ALPK2: variants seen among roughly 807,000 people sequenced by gnomAD.
ALPK2 encodes the protein alpha kinase 2.
ALPK2 carries 127 observed loss-of-function variants against 163.1 expected under a neutral mutation model. The observed-to-expected ratio is 0.78, with a 90% CI of 0.67 to 0.90. ALPK2 has a LOEUF of 0.90. ALPK2 is among the 40% of genes least tolerant of loss of function. The pLI, the probability that ALPK2 is intolerant of heterozygous loss-of-function variation, is 0.00. For synonymous variants in ALPK2, 953 were observed against 959.1 expected (o/e 0.99, Z 0.12); for missense variants, 2,360 against 2,589.6 (o/e 0.91, Z 1.92).
chr18:58,617,444 C>T (rs2052175937), intron 1 of ALPK2, among the ~76,000 whole-genome samples: 1 of 152,196 alleles, frequency 6.6e-6, no homozygotes, highest in Non-Finnish European at 1.5e-5. Flanking sequence ...ACCTCGGCCT[C>T]CCAAAGTGCT....
intron 4 of ALPK2, among the ~76,000 whole-genome samples, chr18:58,539,171 A>G (rs1016871503): frequency 6.6e-6 from 1 of 152,180 alleles, no homozygotes; most frequent in African/African-American, 2.4e-5. Context: ...CTAATGAATA[A>G]ATGGACTTAT....
intron 1 of ALPK2, among the ~76,000 whole-genome samples, chr18:58,627,375 C>G (rs947402574): frequency 3.3e-5 from 5 of 152,204 alleles, no homozygotes; most frequent in African/African-American, 1.2e-4. Flanking sequence ...AATCCCAAGA[C>G]TTTGGGAGGC....
intron 1 of ALPK2, among the ~76,000 whole-genome samples, chr18:58,619,093 C>T (rs2052185205): frequency 2.6e-5 from 4 of 152,210 alleles, no homozygotes; most frequent in Non-Finnish European, 1.5e-5. Context: ...TACCCAGTCC[C>T]GTGTTAGTTA....
chr18:58,538,463 G>T, intron 4 of ALPK2: 1 of 461,512 alleles, frequency 2.2e-6, no homozygotes. Flanking sequence ...TAAGCAAAAA[G>T]CCTCCTGACA....
rs992350913 is a variant in ALPK2, at chr18:58,535,395, G to C, written c.4792C>G (p.Pro1598Ala). The C allele has an allele frequency of 6.2e-7, 1 of 1,614,180 alleles. No individual in the cohort carries two copies. ...RGTIENERGKPLPSSPDLTRF... is the reference protein window; with the variant it reads ...RGTIENERGKALPSSPDLTRF... ...GTAAGATCAGGAGAAGAGGGCAAAG[G>C]TTTCCCACGCTCATTCTCAATAGTT... Residue 1598 changes from proline to alanine, a missense_variant, in exon 5 of 13, where the codon CCT becomes GCT. Transcript: ENST00000361673.
In ALPK2 at chr18:58,537,762, C is replaced by T. The variant is rs2051661831; in HGVS notation, c.2425G>A (p.Ala809Thr). 6.2e-7 allele frequency: 1 copy of T among 1,613,972 alleles called. No individual in the cohort carries two copies. The change falls in exon 5 of 13, where the codon GCT (alanine) becomes ACT (threonine). Residue 809 changes from alanine (A) to threonine (T), a missense_variant. Transcript: ENST00000361673. ...TCAAAACACGTTCCTTGGTCACCAG[C>T]CTCAAAACACTCCATTGCACACACT... ...EAVCAMECFE[A>T]GDQGTCFDTI... is the part of the protein sequence containing the mutation.
At chr18:58,602,398 A>G (rs1017286059) in intron 3 of ALPK2, among the ~76,000 whole-genome samples, 2 of 152,180 alleles carry the variant, frequency 1.3e-5, no homozygotes, top group African/African-American at 4.8e-5. Context: ...CATGTGTCCA[A>G]AATGTCTAAA....
chr18:58,576,872 T>A (rs2051924535), intron 4 of ALPK2, among the ~76,000 whole-genome samples: 1 of 152,144 alleles, frequency 6.6e-6, no homozygotes, highest in Admixed American at 6.5e-5. Context: ...GAGTGAGAGG[T>A]CAGCTCTGCT....
chr18:58,499,074 C>G (rs2051417938), intron 11 of ALPK2, among the ~76,000 whole-genome samples: 1 of 152,134 alleles, frequency 6.6e-6, no homozygotes, highest in Admixed American at 6.5e-5. Context: ...TCTATGTAGA[C>G]ACTGAACCAA....
intron 1 of ALPK2, among the ~76,000 whole-genome samples, chr18:58,622,758 C>G (rs1220954880): frequency 6.6e-6 from 1 of 152,210 alleles, no homozygotes; most frequent in African/African-American, 2.4e-5. Context: ...AAGCCCCTCT[C>G]TGGCTCGTTT....
chr18:58,537,046 C>T lies in ALPK2; in HGVS notation c.3141G>A (p.Lys1047=), dbSNP rs199499886. 53 of 1,613,904 alleles carry T rather than the reference C, an allele frequency of 3.3e-5. No homozygotes were observed. Among genetic ancestry groups the T allele is most frequent in the Non-Finnish European group, 4.4e-5 (52 of 1,179,776 alleles). The change falls in exon 5 of 13, where the codon AAG becomes AAA. Residue 1047 remains lysine (K), a synonymous_variant. Coordinates refer to ENST00000361673, the MANE Select transcript of ALPK2 (RefSeq NM_052947.4). Reference sequence around the variant, plus strand: ...GCACTTGGGAAGGAAATTGGGAAACCTTTTCATGGGATGCACGAGGGAACC... The same window carrying T: ...GCACTTGGGAAGGAAATTGGGAAACTTTTTCATGGGATGCACGAGGGAACC... ...EERFPRASHE[K]VSQFPSQVQL...
intron 4 of ALPK2, among the ~76,000 whole-genome samples, chr18:58,575,190 G>A (rs2051912943): frequency 6.7e-6 from 1 of 148,762 alleles, no homozygotes; most frequent in Non-Finnish European, 1.5e-5. Context: ...TGGGCAACAA[G>A]AGTGAAACCT....
chr18:58,618,909 C>T (rs1383997704), intron 1 of ALPK2, among the ~76,000 whole-genome samples: 2 of 152,176 alleles, frequency 1.3e-5, no homozygotes, highest in African/African-American at 2.4e-5. Flanking sequence ...CACAAGCAGA[C>T]CACAGGTAAC....
At chr18:58,492,528 C>T (rs1374506372) in intron 12 of ALPK2, among the ~76,000 whole-genome samples, 1 of 152,312 alleles carries the variant, frequency 6.6e-6, no homozygotes, top group Middle Eastern at 3.4e-3. Flanking sequence ...GGCTCTGTCA[C>T]CCCAACCCTC....
chr18:58,521,623 C>CTTTTTTTTTT (rs1568073274), intron 8 of ALPK2, among the ~76,000 whole-genome samples: 1 of 54,420 alleles, frequency 1.8e-5, no homozygotes, highest in Non-Finnish European at 3.9e-5. Context: ...TTCTTTCTCT[C>CTTTTTTTTTT]TCTCTTTTTT....
At chr18:58,550,654 GTCT>G (rs2051752857) in intron 4 of ALPK2, among the ~76,000 whole-genome samples, 1 of 87,812 alleles carries the variant, frequency 1.1e-5, no homozygotes, top group Non-Finnish European at 2.3e-5. Flanking sequence ...CCCCATCCCC[GTCT>G]CCATCATGTA....
intron 2 of ALPK2, among the ~76,000 whole-genome samples, chr18:58,610,291 A>G (rs992742759): frequency 1.4e-4 from 21 of 151,526 alleles, no homozygotes; most frequent in African/African-American, 5.1e-4. Flanking sequence ...AAAAAAAAAA[A>G]AAAAAAAGAG....
At chr18:58,544,984 C>T (rs2051709907) in intron 4 of ALPK2, 2 of 152,166 alleles carry the variant, frequency 1.3e-5, no homozygotes, top group African/African-American at 4.8e-5. Context: ...GCTTTGCTTT[C>T]CTTGTGTAAG....
In ALPK2 at chr18:58,490,901, C is replaced by T. The variant is rs143323563; in HGVS notation, c.6296+7148G>A. ...TCTACTATGGGTCCGTTTTTGAGGTCGCATGAGTCCCATCCCCATGAATAT... is the reference window on the plus strand; with the variant it reads ...TCTACTATGGGTCCGTTTTTGAGGTTGCATGAGTCCCATCCCCATGAATAT... On this transcript the variant is annotated intron_variant, in intron 12 of 12. Coordinates refer to ENST00000361673, the MANE Select transcript of ALPK2 (RefSeq NM_052947.4). 2.8e-4 allele frequency among the ~76,000 whole-genome samples: 43 copies of T among 152,248 alleles called. No homozygotes were observed. The South Asian group carries it at 3.9e-3, about 14-fold the overall frequency.
Sources: gnomAD v4.1 joint callset for allele counts (sites outside exome capture counted in the v4.1 genomes callset) on GRCh38, gnomAD v4.1.1 for gene constraint, MANE v1.5 for transcripts, NCBI Gene and HGNC (gene_info 2026-07-23, HGNC 2026-07-21) for gene names.